The following TBATA variants were observed in gnomAD, a reference collection of about 807,000 sequenced individuals.
The protein encoded by TBATA is thymus, brain and testes associated.
Under a neutral mutation model 38.7 loss-of-function variants are expected in TBATA, and 47 were observed. That is an observed-to-expected ratio of 1.21 (90% CI 0.96 to 1.55). TBATA has a LOEUF of 1.55. Ranked by LOEUF, TBATA falls within the 40% of genes most tolerant of loss-of-function variation. The pLI is 0.00. For missense variants in TBATA, 436 were observed against 435.6 expected, an observed-to-expected ratio of 1.00 and a Z score of -0.01; for synonymous variants, 183 against 170.5, an observed-to-expected ratio of 1.07 and a Z score of -0.57.
In TBATA at chr10:70,779,987, G is replaced by T. The variant is rs541954324; in HGVS notation, c.278-245C>A. Among the ~76,000 whole-genome samples the T allele has an allele frequency of 7.2e-5, 11 of 152,312 alleles. No individual in the cohort carries two copies. The South Asian group carries it at 2.3e-3, about 32-fold the overall frequency. On this transcript the variant is annotated intron_variant, in intron 4 of 10. Transcript: ENST00000456372. ...AGGGCCACACTGTGATTTGGGCAGA[G>T]GTGAGACAAGAACTTAGGCTTCCTG...
At position 70,784,749 on chromosome 10, in the gene TBATA, A is replaced by G. The variant is rs1844671192; in HGVS notation, c.-249T>C. The stretch of plus-strand genomic sequence containing the variant: ...GATGCTACAATCTTGAGAACAGGAT[A>G]TGTGGAAGCCCCAAATCCTCCTGCC... On this transcript the variant is annotated 5_prime_UTR_variant, in exon 2 of 11. Transcript: ENST00000456372. 6.6e-6 allele frequency: 1 copy of G among 152,184 alleles called. No individual in the cohort carries two copies. The highest frequency in any genetic ancestry group is 1.5e-5 in the Non-Finnish European group (1 of 68,038). 9.4% of individuals were successfully genotyped at this position (152,184 alleles called of 1,614,324 possible).
chr10:70,775,658 G>A (rs143604816), intron 7 of TBATA, among the ~76,000 whole-genome samples: 1 of 152,104 alleles, frequency 6.6e-6, no homozygotes, highest in East Asian at 1.9e-4. Flanking sequence ...GCCAAGGTCC[G>A]AGCTGGCCAG....
At chr10:70,783,263 C>G in intron 3 of TBATA, 76 bp downstream of exon 3, 4 of 1,556,492 alleles carry the variant, frequency 2.6e-6, no homozygotes, top group Non-Finnish European at 8.9e-7. Context: ...TGAGATCCCC[C>G]AAGGCCACCT....
chr10:70,783,230 C>A, intron 3 of TBATA, 109 bp downstream of exon 3: 1 of 1,285,978 alleles, frequency 7.8e-7, no homozygotes, highest in Non-Finnish European at 1.1e-6. Flanking sequence ...GTAAGAACCA[C>A]CTCTCTTGGA....
chr10:70,778,808 T>C, intron 5 of TBATA, 172 bp from the exon 6 acceptor site: 1 of 628,926 alleles, frequency 1.6e-6, no homozygotes, highest in Non-Finnish European at 2.9e-6. Flanking sequence ...ATTCACACCA[T>C]GGGTGGTGGT....
At chr10:70,777,686 G>C (rs1213699288) in intron 6 of TBATA, 1 of 385,376 alleles carries the variant, frequency 2.6e-6, no homozygotes, top group Non-Finnish European at 5.0e-6. Context: ...CTCCCAGGTA[G>C]GTCCTCCTTG....
chr10:70,771,258 TTTAG>T lies in TBATA; in HGVS notation c.*114_*117del. On this transcript the variant is annotated 3_prime_UTR_variant, in exon 11 of 11. Coordinates refer to ENST00000456372, the MANE Select transcript of TBATA (RefSeq NM_001318241.2). ...TCCTCTCTCAGGGAAGACGGTTTTA[TTTAG>T]TAAGAGTTTTCACGGTAGGGAATCA... 2 of 1,600,406 alleles carry T rather than the reference TTTAG, an allele frequency of 1.2e-6. No homozygotes were observed. Among genetic ancestry groups the T allele is most frequent in the Non-Finnish European group, 1.7e-6 (2 of 1,171,370 alleles).
chr10:70,775,748 A>G (rs985367287), intron 7 of TBATA, among the ~76,000 whole-genome samples: 4 of 152,102 alleles, frequency 2.6e-5, no homozygotes, highest in African/African-American at 9.7e-5. Context: ...GGTAAGCCAT[A>G]CCCTAAAAGT....
rs1394137857 is a variant in TBATA, at chr10:70,778,561, T to C, written c.503A>G (p.Lys168Arg). 6.2e-7 allele frequency: 1 copy of C among 1,614,092 alleles called. No individual in the cohort carries two copies. Among genetic ancestry groups the C allele is most frequent in the South Asian group, 1.1e-5 (1 of 91,084 alleles). ...FLTKEDELKK[K>R]EQKEQKEEPL... ...GCTCCTGTGTTCCGCACCCACCTCTTTCTTCTTCAGTTCATCCTCCTTGGT... is the reference window on the plus strand; with the variant it reads ...GCTCCTGTGTTCCGCACCCACCTCTCTCTTCTTCAGTTCATCCTCCTTGGT... The change falls in exon 6 of 11, where the codon AAA becomes AGA. Residue 168 changes from lysine to arginine, a missense_variant. Coordinates refer to ENST00000456372, the MANE Select transcript of TBATA (RefSeq NM_001318241.2).
In TBATA at chr10:70,782,751, G is replaced by T. The variant is rs4517438; in HGVS notation, c.41+588C>A. ...AGGACGCTATGCATCTGCCCTTGGA[G>T]GAAGGTCAAGATCAGCAAAGGTGGG... On this transcript the variant is annotated intron_variant, in intron 3 of 10. Transcript: ENST00000456372. The T allele has an allele frequency of 1.1e-5, 7 of 640,782 alleles. No homozygotes were observed. The South Asian group carries it at 2.1e-4, about 19-fold the overall frequency. 39.7% of individuals were successfully genotyped at this position (640,782 alleles called of 1,614,324 possible).
At chr10:70,782,217 A>G (rs1564597838) in intron 3 of TBATA, 181 bp from the exon 4 acceptor site, 1 of 1,343,280 alleles carries the variant, frequency 7.4e-7, no homozygotes, top group Non-Finnish European at 1.0e-6. Context: ...TCCTTTCCCA[A>G]CTGGTGCAAT....
Position 70,774,342 on chromosome 10 carries a change from A to G in TBATA, c.791T>C (p.Leu264Pro). 1 of 1,598,118 alleles carries G rather than the reference A, an allele frequency of 6.3e-7. No homozygotes were observed. The highest frequency in any genetic ancestry group is 1.1e-5 in the South Asian group (1 of 87,808). The change falls in exon 9 of 11, where the codon CTG (leucine) becomes CCG (proline). Residue 264 changes from leucine (L) to proline (P), a missense_variant. Transcript: ENST00000456372. ...AGCCACTGCTGTCTGCAGGAGTCCC[A>G]GAGCGAGGTCTTTTTCTGAAAGCAC... ...YAPPKEKDLA[L>P]GLLQTAVAQL... is the part of the protein sequence containing the mutation.
chr10:70,771,615 C>T (rs1241327994), intron 10 of TBATA, among the ~76,000 whole-genome samples, 154 bp from the exon 11 acceptor site: 2 of 152,302 alleles, frequency 1.3e-5, no homozygotes, highest in East Asian at 3.9e-4. Flanking sequence ...GGAATCCAAC[C>T]TGAGAGGAAT....
intron 7 of TBATA, chr10:70,776,522 T>C: frequency 2.4e-6 from 1 of 408,814 alleles, no homozygotes; most frequent in East Asian, 7.4e-5. Flanking sequence ...CTCTATCCAC[T>C]TTGCTGCATT....
At chr10:70,778,164 T>A (rs568562812) in intron 6 of TBATA, among the ~76,000 whole-genome samples, 2 of 152,120 alleles carry the variant, frequency 1.3e-5, no homozygotes, top group South Asian at 4.2e-4. Flanking sequence ...ATCTTGGCAA[T>A]TAAGAACAAG....
In TBATA at chr10:70,772,618, C is replaced by A. The variant is rs550318566; in HGVS notation, c.921-52G>T. On this transcript the variant is annotated intron_variant, in intron 9 of 10. Coordinates refer to ENST00000456372, the MANE Select transcript of TBATA (RefSeq NM_001318241.2). ...GGGAAGGTCATGCTGGAAACCTGAC[C>A]CCACGGGTGGCAGGGGAGACAGGGA... 5.7e-5 allele frequency: 91 copies of A among 1,593,730 alleles called. 1 individual carries two copies. Among genetic ancestry groups the A allele is most frequent in the Non-Finnish European group, 1.3e-5 (15 of 1,161,592 alleles).
intron 7 of TBATA, among the ~76,000 whole-genome samples, chr10:70,775,854 C>T (rs1225700092): frequency 2.0e-5 from 3 of 152,198 alleles, no homozygotes; most frequent in Admixed American, 6.5e-5. Flanking sequence ...TGCTCAGCAC[C>T]GGCTCCCTCC....
At chr10:70,772,795 T>G (rs1483480483) in intron 9 of TBATA, among the ~76,000 whole-genome samples, 1 of 152,158 alleles carries the variant, frequency 6.6e-6, no homozygotes, top group Non-Finnish European at 1.5e-5. Flanking sequence ...ACTGTGGCCC[T>G]GCCGTCTGCA....
intron 6 of TBATA, 110 bp downstream of exon 6, chr10:70,778,447 G>T: frequency 2.8e-6 from 3 of 1,069,102 alleles, no homozygotes; most frequent in African/African-American, 3.1e-5. Context: ...GTATGAATCA[G>T]TCCCCCCACC....
Sources: gnomAD v4.1 joint callset for allele counts (sites outside exome capture counted in the v4.1 genomes callset) on GRCh38, gnomAD v4.1.1 for gene constraint, MANE v1.5 for transcripts, NCBI Gene and HGNC (gene_info 2026-07-23, HGNC 2026-07-21) for gene names.